Variants in SYCP1 observed in about 807,000 individuals in gnomAD.
SYCP1 encodes cancer/testis antigen 8.
Under a neutral mutation model 153.1 loss-of-function variants are expected in SYCP1, and 64 were observed. The observed-to-expected ratio is 0.42, with a 90% CI of 0.34 to 0.51. The LOEUF (loss-of-function observed/expected upper bound fraction) is 0.51, where lower values mean the gene tolerates loss of function less well. Ranked by LOEUF, SYCP1 falls within the 20% of genes least tolerant of loss-of-function variation. The probability of loss-of-function intolerance (pLI) is 0.06; values close to 1 mark genes in which losing one functional copy is unlikely to be tolerated. For missense variants in SYCP1, 997 were observed against 1,049.0 expected (o/e 0.95, Z 0.68); for synonymous variants, 384 against 341.8 (o/e 1.12, Z -1.36).
intron 15 of SYCP1, 26 bp from the exon 16 acceptor site, chr1:114,895,422 A>G (rs754636281): frequency 1.1e-5 from 16 of 1,412,362 alleles, no homozygotes; most frequent in Non-Finnish European, 1.5e-5. Flanking sequence ...CAGCTTTTTA[A>G]CACATTTTTT....
chr1:114,905,405 T>A lies in SYCP1; in HGVS notation c.1321-4992T>A, dbSNP rs568630666. On this transcript the variant is annotated intron_variant, in intron 16 of 31. Coordinates refer to ENST00000369522, the MANE Select transcript of SYCP1 (RefSeq NM_003176.4). ...CATCGTTAACCCCCAGACCCAAGGA[T>A]TATATACCTTAGAGGAGGGGTACAT... Among the ~76,000 whole-genome samples, 973 of 152,268 alleles carry A rather than the reference T, an allele frequency of 6.4e-3. 9 individuals are homozygous for A. Among genetic ancestry groups the A allele is most frequent in the African/African-American group, 0.022 (916 of 41,538 alleles).
At chr1:114,920,399 G>C (rs761944561) in intron 20 of SYCP1, among the ~76,000 whole-genome samples, 5 of 152,030 alleles carry the variant, frequency 3.3e-5, no homozygotes, top group African/African-American at 1.2e-4. Context: ...GTGGCTTAAC[G>C]TATGGTCTGT....
chr1:114,961,856 A>G (rs567990404), intron 27 of SYCP1, among the ~76,000 whole-genome samples: 1 of 152,098 alleles, frequency 6.6e-6, no homozygotes, highest in African/African-American at 2.4e-5. Context: ...TGTTAAGTGC[A>G]TCTGTTCCAG....
At chr1:114,877,977 T>C (rs960518084) in intron 11 of SYCP1, 117 bp from the exon 12 acceptor site, 43 of 608,210 alleles carry the variant, frequency 7.1e-5, no homozygotes, top group Middle Eastern at 9.7e-4. Context: ...GTGGGAGGGT[T>C]AAGTGGACCA....
chr1:114,870,977 T>C (rs897269750), intron 8 of SYCP1, among the ~76,000 whole-genome samples: 1 of 152,216 alleles, frequency 6.6e-6, no homozygotes, highest in Non-Finnish European at 1.5e-5. Context: ...GTGGTTTTAA[T>C]TGAGCATTTT....
intron 15 of SYCP1, among the ~76,000 whole-genome samples, chr1:114,888,078 T>C (rs1412872108): frequency 6.6e-6 from 1 of 152,142 alleles, no homozygotes; most frequent in Non-Finnish European, 1.5e-5. Context: ...TGTTACATTA[T>C]GTACTATTCA....
intron 28 of SYCP1, among the ~76,000 whole-genome samples, chr1:114,978,194 C>T (rs573671156): frequency 1.1e-4 from 16 of 151,584 alleles, no homozygotes; most frequent in Admixed American, 9.2e-4. Context: ...ATCTTGAAAT[C>T]CCAAATTAGA....
At chr1:114,883,788 G>C (rs1666110186) in intron 12 of SYCP1, among the ~76,000 whole-genome samples, 1 of 152,170 alleles carries the variant, frequency 6.6e-6, no homozygotes, top group Admixed American at 6.5e-5. Context: ...CGCCTTCCTG[G>C]TTCAGGTGAT....
intron 18 of SYCP1, 133 bp from the exon 19 acceptor site, chr1:114,912,900 C>T (rs1668273466): frequency 1.7e-6 from 1 of 605,254 alleles, no homozygotes; most frequent in Non-Finnish European, 2.9e-6. Flanking sequence ...AATTATAAAC[C>T]AATAGTCAAT....
intron 16 of SYCP1, among the ~76,000 whole-genome samples, chr1:114,907,582 CT>C (rs542034470): frequency 0.043 from 5,717 of 134,220 alleles, 112 homozygotes; most frequent in Non-Finnish European, 0.047. Flanking sequence ...AATGTTGAAA[CT>C]TTTTTTTTTT....
At chr1:114,881,206 G>A (rs1445581974) in intron 12 of SYCP1, among the ~76,000 whole-genome samples, 1 of 151,684 alleles carries the variant, frequency 6.6e-6, no homozygotes, top group Non-Finnish European at 1.5e-5. Flanking sequence ...TATTATTACT[G>A]TTTTGTACAG....
intron 15 of SYCP1, among the ~76,000 whole-genome samples, 177 bp from the exon 16 acceptor site, chr1:114,895,271 T>C (rs1666981491): frequency 1.3e-5 from 2 of 152,106 alleles, no homozygotes; most frequent in South Asian, 4.1e-4. Flanking sequence ...TATTAATATT[T>C]ATCTTTTATT....
chr1:114,906,236 G>A (rs1667801967), intron 16 of SYCP1, among the ~76,000 whole-genome samples: 1 of 151,802 alleles, frequency 6.6e-6, no homozygotes, highest in Non-Finnish European at 1.5e-5. Flanking sequence ...CAAAGTGCTG[G>A]GATTACAAGT....
At chr1:114,880,810 C>T (rs528525866) in intron 12 of SYCP1, among the ~76,000 whole-genome samples, 28 of 152,158 alleles carry the variant, frequency 1.8e-4, no homozygotes, top group South Asian at 6.2e-4. Context: ...TTGTTTCCAG[C>T]GTGAGAGTTG....
At chr1:114,863,910 G>A (rs1664544188) in intron 8 of SYCP1, among the ~76,000 whole-genome samples, 1 of 151,438 alleles carries the variant, frequency 6.6e-6, no homozygotes, top group African/African-American at 2.4e-5. Context: ...CTCATAAGTG[G>A]GAGTTGAACA....
chr1:114,910,176 T>A, intron 16 of SYCP1: 1 of 311,714 alleles, frequency 3.2e-6, no homozygotes. Flanking sequence ...TAATCATCTG[T>A]AACTAAACAA....
At chr1:114,875,175 T>A (rs1041487463) in intron 9 of SYCP1, among the ~76,000 whole-genome samples, 2 of 47,204 alleles carry the variant, frequency 4.2e-5, no homozygotes, top group Non-Finnish European at 8.6e-5. Context: ...GTATTTGATA[T>A]GTGTGTGTGT....
chr1:114,928,850 G>T (rs1389288541), intron 23 of SYCP1, among the ~76,000 whole-genome samples: 1 of 152,148 alleles, frequency 6.6e-6, no homozygotes, highest in African/African-American at 2.4e-5. Flanking sequence ...AAGTATAGCT[G>T]TCTTAGTTTA....
intron 8 of SYCP1, among the ~76,000 whole-genome samples, chr1:114,867,699 T>G (rs1330489336): frequency 1.3e-5 from 2 of 152,144 alleles, no homozygotes; most frequent in African/African-American, 2.4e-5. Flanking sequence ...TTATGTTATC[T>G]GTGAATAAAG....
Sources: gnomAD v4.1 joint callset for allele counts (sites outside exome capture counted in the v4.1 genomes callset) on GRCh38, gnomAD v4.1.1 for gene constraint, MANE v1.5 for transcripts, NCBI Gene and HGNC (gene_info 2026-07-23, HGNC 2026-07-21) for gene names.